CCDC85C: variants seen among roughly 807,000 people sequenced by gnomAD.
CCDC85C encodes the protein coiled-coil domain-containing protein 85C.
A neutral mutation model predicts 38.3 loss-of-function variants in CCDC85C; 18 were observed. The ratio of observed to expected loss-of-function variants is 0.47; its 90% CI spans 0.33 to 0.70. The LOEUF (loss-of-function observed/expected upper bound fraction) is 0.70, where lower values mean the gene tolerates loss of function less well. CCDC85C is among the 30% of genes least tolerant of loss of function. CCDC85C has a pLI of 0.03. For missense variants in CCDC85C, 566 were observed against 621.2 expected (o/e 0.91, Z 0.94); for synonymous variants, 264 against 293.8 (o/e 0.90, Z 1.04).
chr14:99,574,046 G>A (rs1898416897), intron 1 of CCDC85C, among the ~76,000 whole-genome samples: 1 of 152,184 alleles, frequency 6.6e-6, no homozygotes, highest in African/African-American at 2.4e-5. Context: ...TTGATGGAAT[G>A]TCCTAATTGA....
At chr14:99,568,905 C>G (rs1391817223) in intron 1 of CCDC85C, among the ~76,000 whole-genome samples, 1 of 152,224 alleles carries the variant, frequency 6.6e-6, no homozygotes, top group African/African-American at 2.4e-5. Context: ...CTCCAGCAGA[C>G]TTCTGCAGGG....
chr14:99,550,292 G>A (rs930059952), intron 1 of CCDC85C, among the ~76,000 whole-genome samples: 1 of 152,202 alleles, frequency 6.6e-6, no homozygotes, highest in Admixed American at 6.5e-5. Flanking sequence ...TAAAAACAGA[G>A]AGCCTTTCCC....
chr14:99,603,249 G>T lies in CCDC85C; in HGVS notation c.711C>A (p.Asp237Glu). The T allele has an allele frequency of 1.4e-6, 2 of 1,396,726 alleles. No homozygotes were observed. Among genetic ancestry groups the T allele is most frequent in the Non-Finnish European group, 1.8e-6 (2 of 1,081,336 alleles). 86.5% of individuals were successfully genotyped at this position (1,396,726 alleles called of 1,614,324 possible). ...LLPPGPHKAP[D>E]GKAGATRRSL... ...ACCGACGTGTGGCTCCTGCCTTGCC[G>T]TCGGGGGCCTTGTGCGGCCCGGGGG... is the stretch of plus-strand genomic sequence containing the variant. The change falls in exon 1 of 6, where the codon GAC becomes GAA. Residue 237 changes from aspartate to glutamate, a missense_variant. Physicochemically the swap from Asp to Glu is conservative, Grantham distance 45. Coordinates refer to ENST00000380243, the MANE Select transcript of CCDC85C (RefSeq NM_001144995.2). This position sits in a 1 kb window ranked among gnomAD's most constrained non-coding sequence, Gnocchi z 7.5.
rs1300032777 is a variant in CCDC85C at position 99,603,823 on chromosome 14, A to T, written c.137T>A (p.Met46Lys). 2 of 1,524,430 alleles carry T rather than the reference A, an allele frequency of 1.3e-6. No individual in the cohort carries two copies. The highest frequency in any genetic ancestry group is 1.8e-6 in the Non-Finnish European group (2 of 1,142,102). 94.4% of individuals were successfully genotyped at this position (1,524,430 alleles called of 1,614,324 possible). ...GCGCATCAGGCCGCCGTGCTCCAGC[A>T]TGAGGCCCACCTTCTCGCCCTCGGC... ...RRAEGEKVGLMLEHGGLMRDV... is the reference protein window; with the variant it reads ...RRAEGEKVGLKLEHGGLMRDV... Residue 46 changes from methionine (M) to lysine (K), a missense_variant, in exon 1 of 6, where the codon ATG (methionine) becomes AAG (lysine). By Grantham distance (95) the Met-to-Lys change is moderately conservative (BLOSUM62 -1). Transcript: ENST00000380243. This position sits in a 1 kb window ranked among gnomAD's most constrained non-coding sequence, Gnocchi z 7.5.
chr14:99,598,172 C>A (rs2055163075), intron 1 of CCDC85C, among the ~76,000 whole-genome samples: 1 of 152,224 alleles, frequency 6.6e-6, no homozygotes, highest in Non-Finnish European at 1.5e-5. Context: ...GTATCACTCA[C>A]TACACACCCT....
chr14:99,560,317 C>T (rs948530353), intron 1 of CCDC85C, among the ~76,000 whole-genome samples: 13 of 152,174 alleles, frequency 8.5e-5, no homozygotes, highest in African/African-American at 3.1e-4. Context: ...GGGTCTGGGC[C>T]GGGAGAGCCT....
At chr14:99,581,834 G>C (rs1363481814) in intron 1 of CCDC85C, among the ~76,000 whole-genome samples, 1 of 152,224 alleles carries the variant, frequency 6.6e-6, no homozygotes, top group Non-Finnish European at 1.5e-5. Flanking sequence ...TGGATAAGGA[G>C]CTGGTCAGAA....
At chr14:99,601,125 A>C (rs1265781786) in intron 1 of CCDC85C, among the ~76,000 whole-genome samples, 1 of 152,234 alleles carries the variant, frequency 6.6e-6, no homozygotes, top group African/African-American at 2.4e-5. Flanking sequence ...CCACATCCCA[A>C]GGCCACACAT....
chr14:99,553,459 G>A (rs1048686178), intron 1 of CCDC85C, among the ~76,000 whole-genome samples: 1 of 152,138 alleles, frequency 6.6e-6, no homozygotes, highest in Non-Finnish European at 1.5e-5. Context: ...CCGCCTCCTG[G>A]GTTCAAGCGA....
rs369472630 is a variant in CCDC85C, at chr14:99,510,152, T to C, written c.*5094A>G. 1.3e-5 allele frequency: 20 copies of C among 1,593,632 alleles called. No homozygotes were observed. The highest frequency in any genetic ancestry group is 2.2e-4 in the Middle Eastern group (1 of 4,642). On this transcript the variant is annotated 3_prime_UTR_variant, in exon 6 of 6. Transcript: ENST00000380243. ...GCCGGGCACTGATGCGTCTCTCTCC[T>C]GCAGACCGGAAGCCTCCCCTCGCTG...
rs1337696427 is a variant in CCDC85C, at chr14:99,500,500, G to A, written c.*14746C>T. 2.7e-6 allele frequency: 1 copy of A among 368,260 alleles called. No individual in the cohort carries two copies. Among genetic ancestry groups the A allele is most frequent in the Non-Finnish European group, 4.9e-6 (1 of 205,300 alleles). 22.8% of individuals were successfully genotyped at this position (368,260 alleles called of 1,614,324 possible). ...GTAAAGGGAGACTCATGTATGTATT[G>A]AAAATAATAATATTTTTAAGGATCT... On this transcript the variant is annotated 3_prime_UTR_variant, in exon 6 of 6. Coordinates refer to ENST00000380243, the MANE Select transcript of CCDC85C (RefSeq NM_001144995.2).
chr14:99,557,023 G>C (rs1420045541), intron 1 of CCDC85C, among the ~76,000 whole-genome samples: 4 of 152,074 alleles, frequency 2.6e-5, no homozygotes, highest in Non-Finnish European at 4.4e-5. Flanking sequence ...TTTTCTGTAA[G>C]TTTTAATTCA....
intron 1 of CCDC85C, among the ~76,000 whole-genome samples, chr14:99,587,478 T>A (rs1040913002): frequency 6.6e-6 from 1 of 152,154 alleles, no homozygotes; most frequent in Non-Finnish European, 1.5e-5. Flanking sequence ...TATCCCCCTA[T>A]GGGATGGCCC....
chr14:99,569,220 C>A lies in CCDC85C; in HGVS notation c.794-33132G>T, dbSNP rs1228044626. ...CATCTTCGTGAAGGAAGACCTAAAT[C>A]CTCCCAACTCCCAGGGGTGGCCCTC... On this transcript the variant is annotated intron_variant, in intron 1 of 5. Coordinates refer to ENST00000380243, the MANE Select transcript of CCDC85C (RefSeq NM_001144995.2). The surrounding 1 kb of genome is among the most constrained non-coding windows in gnomAD (Gnocchi z 4.3). Among the ~76,000 whole-genome samples the A allele has an allele frequency of 6.6e-6, 1 of 152,204 alleles. No individual in the cohort carries two copies. The highest frequency in any genetic ancestry group is 1.5e-5 in the Non-Finnish European group (1 of 68,034).
rs958226111 is a variant in CCDC85C, at chr14:99,604,077, C to T, written c.-118G>A. The T allele has an allele frequency of 2.8e-5, 27 of 954,006 alleles. No homozygotes were observed. The South Asian group carries it at 1.3e-3, about 44-fold the overall frequency. 59.1% of individuals were successfully genotyped at this position (954,006 alleles called of 1,614,324 possible). On this transcript the variant is annotated 5_prime_UTR_variant, in exon 1 of 6. Coordinates refer to ENST00000380243, the MANE Select transcript of CCDC85C (RefSeq NM_001144995.2). ...GGGGCGGCCGGGGGCGCGTGCGGCC[C>T]GCCCCGCGCCGCCTGGCGCGTCCTC...
chr14:99,562,592 T>C (rs17098822), intron 1 of CCDC85C, among the ~76,000 whole-genome samples: 4,272 of 152,226 alleles, frequency 0.028, 208 homozygotes, highest in African/African-American at 0.097. Flanking sequence ...CCTGCCTAGG[T>C]TGGCCTGGCC....
intron 1 of CCDC85C, among the ~76,000 whole-genome samples, chr14:99,589,323 C>G (rs1296407048): frequency 2.0e-5 from 3 of 152,178 alleles, no homozygotes; most frequent in Non-Finnish European, 4.4e-5. Context: ...GTAACCAGCA[C>G]CCGCAGAACG....
chr14:99,552,045 G>A (rs561235189), intron 1 of CCDC85C, among the ~76,000 whole-genome samples: 2 of 152,334 alleles, frequency 1.3e-5, no homozygotes, highest in African/African-American at 4.8e-5. Context: ...CAGACAACCT[G>A]GAGGTCTCAT....
chr14:99,561,902 G>A (rs1898124477), intron 1 of CCDC85C, among the ~76,000 whole-genome samples: 1 of 152,162 alleles, frequency 6.6e-6, no homozygotes, highest in Admixed American at 6.5e-5. Context: ...GTAGGGAATG[G>A]CACCAAGGGG....
Sources: allele counts gnomAD v4.1 joint callset (sites outside exome capture counted in the v4.1 genomes callset), GRCh38; gene constraint gnomAD v4.1.1; non-coding constraint Gnocchi (gnomAD v3.1); transcripts MANE v1.5; gene names NCBI Gene and HGNC (gene_info 2026-07-23, HGNC 2026-07-21).